The following RAI14 variants were observed in gnomAD, a reference collection of about 807,000 sequenced individuals.
RAI14 encodes the protein ankycorbin.
RAI14 carries 45 observed loss-of-function variants against 115.4 expected under a neutral mutation model. The ratio of observed to expected loss-of-function variants is 0.39; its 90% confidence interval spans 0.31 to 0.50. The LOEUF is 0.50. Ranked by LOEUF, RAI14 falls within the 20% of genes least tolerant of loss-of-function variation. The pLI is 0.85. For missense variants in RAI14, 939 were observed against 1,131.2 expected (o/e 0.83, Z 2.44); for synonymous variants, 371 against 415.4 (o/e 0.89, Z 1.30).
At chr5:34,829,596 T>A in intron 16 of RAI14, 136 bp from the exon 17 acceptor site, 2 of 597,860 alleles carry the variant, frequency 3.3e-6, no homozygotes. Flanking sequence ...ACAACAATTT[T>A]AGAAGCTTCC....
rs149405674 is a variant in RAI14, at chr5:34,730,644, C to T, written c.37-26824C>T. Among the ~76,000 whole-genome samples the T allele has an allele frequency of 2.9e-4, 44 of 152,136 alleles. 1 individual carries two copies. In the East Asian group the frequency reaches 8.2e-3, roughly 28 times the overall value. On this transcript the variant is annotated intron_variant, in intron 2 of 17. Coordinates refer to ENST00000265109, the MANE Select transcript of RAI14 (RefSeq NM_015577.3). ...TGAGCCAAGATCCTGCCACTGCACT[C>T]CAGCTTGGGAGACAAACTGAGACCC...
chr5:34,686,756 G>A (rs1744931032), intron 1 of RAI14, 116 bp from the exon 2 acceptor site: 3 of 506,764 alleles, frequency 5.9e-6, no homozygotes, highest in Admixed American at 3.7e-5. Flanking sequence ...GCTGTTAACT[G>A]ACCACCTTCC....
In RAI14 at chr5:34,815,438, C is replaced by T. The variant is rs557793079; in HGVS notation, c.939+769C>T. 2.1e-4 allele frequency among the ~76,000 whole-genome samples: 32 copies of T among 152,136 alleles called. No homozygotes were observed. In the South Asian group the frequency reaches 2.9e-3, roughly 14 times the overall value. On this transcript the variant is annotated intron_variant, in intron 12 of 17. Coordinates refer to ENST00000265109, the MANE Select transcript of RAI14 (RefSeq NM_015577.3). ...ATTAGTTGGGCCTGGTGGCAGGCAC[C>T]TGTAGTCCCAGCTACTCAGGAGGCT...
At chr5:34,813,130 C>T (rs566137540) in intron 10 of RAI14, among the ~76,000 whole-genome samples, 1 of 152,100 alleles carries the variant, frequency 6.6e-6, no homozygotes, top group South Asian at 2.1e-4. Context: ...AATTTATGTG[C>T]TAACTGTATT....
intron 2 of RAI14, among the ~76,000 whole-genome samples, chr5:34,753,506 G>A (rs1020696481): frequency 4.6e-5 from 7 of 152,214 alleles, no homozygotes; most frequent in African/African-American, 1.7e-4. Context: ...AGCCAGGCAC[G>A]GTGGCTCACA....
At chr5:34,783,111 G>A (rs1751863841) in intron 3 of RAI14, among the ~76,000 whole-genome samples, 1 of 152,228 alleles carries the variant, frequency 6.6e-6, no homozygotes, top group Non-Finnish European at 1.5e-5. Context: ...TGCCCAATAA[G>A]TATAATTGTT....
intron 2 of RAI14, among the ~76,000 whole-genome samples, chr5:34,713,612 C>G (rs1741660222): frequency 6.6e-6 from 1 of 152,186 alleles, no homozygotes; most frequent in Admixed American, 6.5e-5. Flanking sequence ...GTTACTCAAG[C>G]TGGTCTTGAA....
chr5:34,687,444 C>G (rs138866568), intron 2 of RAI14: 4 of 774,850 alleles, frequency 5.2e-6, no homozygotes, highest in Admixed American at 3.9e-5. Context: ...TTTCCTCCCC[C>G]CGAATTCCAG....
chr5:34,739,264 C>T (rs534629867), intron 2 of RAI14, among the ~76,000 whole-genome samples: 1 of 152,234 alleles, frequency 6.6e-6, no homozygotes, highest in South Asian at 2.1e-4. Context: ...CTTATTATCT[C>T]GTGTCTTGCA....
At chr5:34,698,223 C>A (rs1333252233) in intron 2 of RAI14, among the ~76,000 whole-genome samples, 1 of 141,266 alleles carries the variant, frequency 7.1e-6, no homozygotes, top group Admixed American at 7.3e-5. Flanking sequence ...TCCATCTCCT[C>A]CCCTCCCTTT....
At chr5:34,756,410 CT>C (rs1463091130) in intron 2 of RAI14, among the ~76,000 whole-genome samples, 1 of 152,168 alleles carries the variant, frequency 6.6e-6, no homozygotes, top group Non-Finnish European at 1.5e-5. Context: ...CTATAGAAAG[CT>C]TTGGGAAGGG....
intron 2 of RAI14, among the ~76,000 whole-genome samples, chr5:34,744,761 C>G (rs60557609): frequency 0.19 from 28,817 of 152,188 alleles, 2,802 homozygotes; most frequent in South Asian, 0.27. Flanking sequence ...ACCGCTGTAA[C>G]AAATGACCAC....
chr5:34,745,149 T>C (rs969269897), intron 2 of RAI14, among the ~76,000 whole-genome samples: 5 of 152,192 alleles, frequency 3.3e-5, no homozygotes, highest in Non-Finnish European at 5.9e-5. Flanking sequence ...AAAATGTGCA[T>C]TTTCTGGGGA....
chr5:34,741,465 A>G (rs1745498852), intron 2 of RAI14, among the ~76,000 whole-genome samples: 1 of 152,208 alleles, frequency 6.6e-6, no homozygotes. Flanking sequence ...CTTTGTTGAA[A>G]TAGATGGCAG....
intron 4 of RAI14, among the ~76,000 whole-genome samples, chr5:34,800,944 A>G (rs1754186160): frequency 6.6e-6 from 1 of 152,208 alleles, no homozygotes; most frequent in Non-Finnish European, 1.5e-5. Context: ...TTTGTAAGGC[A>G]TTTGTTTAAA....
At chr5:34,656,858 G>A (rs1742306743) in intron 1 of RAI14, 2 of 152,334 alleles carry the variant, frequency 1.3e-5, no homozygotes, top group Non-Finnish European at 2.9e-5. Context: ...ATGCACCCTG[G>A]AGTCTGCGCC....
chr5:34,675,020 C>T (rs113684194), intron 1 of RAI14, among the ~76,000 whole-genome samples: 16,891 of 151,894 alleles, frequency 0.11, 2,566 homozygotes, highest in African/African-American at 0.35. Flanking sequence ...CCTCAGCTTC[C>T]CAAGTAGCTG....
intron 1 of RAI14, among the ~76,000 whole-genome samples, chr5:34,677,310 C>T (rs761549247): frequency 1.2e-4 from 18 of 152,068 alleles, no homozygotes; most frequent in African/African-American, 3.6e-4. Flanking sequence ...ATTATGGGTG[C>T]GCACCACCAC....
Position 34,818,812 on chromosome 5 carries a change from A to G in RAI14, c.955A>G (p.Ile319Val). Residue 319 changes from isoleucine (I) to valine (V), a missense_variant, in exon 13 of 18, where the codon ATA (isoleucine) becomes GTA (valine). Ile to Val is a conservative substitution (Grantham distance 29, BLOSUM62 3). Transcript: ENST00000265109. ...EPPFKAEISS[I>V]RENKDRLSDS... ...GTTTCAATAGGCTGAGATCAGTTCTATACGAGAAAACAAAGACAGACTAAG... is the reference window on the plus strand; with the variant it reads ...GTTTCAATAGGCTGAGATCAGTTCTGTACGAGAAAACAAAGACAGACTAAG... 1 of 1,611,742 alleles carries G rather than the reference A, an allele frequency of 6.2e-7. No homozygotes were observed. Among genetic ancestry groups the G allele is most frequent in the Non-Finnish European group, 8.5e-7 (1 of 1,178,620 alleles).
Sources: allele counts gnomAD v4.1 joint callset (sites outside exome capture counted in the v4.1 genomes callset), GRCh38; gene constraint gnomAD v4.1.1; transcripts MANE v1.5; gene names NCBI Gene and HGNC (gene_info 2026-07-23, HGNC 2026-07-21).